The following ADGRB3 variants were observed in gnomAD, a reference collection of about 807,000 sequenced individuals.
The protein encoded by ADGRB3 is brain-specific angiogenesis inhibitor 3.
A neutral mutation model predicts 193.4 loss-of-function variants in ADGRB3; 37 were observed. That is an observed-to-expected ratio of 0.19 (90% CI 0.15 to 0.25). The LOEUF (loss-of-function observed/expected upper bound fraction) is 0.25. ADGRB3 is among the 10% of genes least tolerant of loss of function. The probability of loss-of-function intolerance (pLI) is 1.00; values close to 1 mark genes in which losing one functional copy is unlikely to be tolerated. For synonymous variants in ADGRB3, 690 were observed against 644.2 expected (o/e 1.07, Z -1.08); for missense variants, 1,637 against 1,852.9 (o/e 0.88, Z 2.14).
rs1198883329 is a variant in ADGRB3, at chr6:69,014,017, TTTATC to T, written c.1930-19_1930-15del. 3.4e-6 allele frequency: 5 copies of T among 1,458,562 alleles called. No homozygotes were observed. The highest frequency in any genetic ancestry group is 2.9e-5 in the African/African-American group (2 of 69,496). The allele number at this position is 1,458,562 out of a possible 1,614,324, so 90.4% of individuals were successfully genotyped here. ...AATTCTCTCATGTAATATTAAATCT[TTTATC>T]TAATTTAATTTACAGAACTTCTTTC... On this transcript the variant is annotated splice_polypyrimidine_tract_variant and intron_variant, in intron 11 of 31. Coordinates refer to ENST00000370598, the MANE Select transcript of ADGRB3 (RefSeq NM_001704.3).
At chr6:69,110,101 C>T (rs1284242927) in intron 17 of ADGRB3, among the ~76,000 whole-genome samples, 14 of 151,994 alleles carry the variant, frequency 9.2e-5, no homozygotes, top group African/African-American at 3.1e-4. Flanking sequence ...GCGCCTGCCA[C>T]CACGACTGGC....
At chr6:68,999,753 G>T (rs1401605710) in intron 11 of ADGRB3, among the ~76,000 whole-genome samples, 4 of 152,008 alleles carry the variant, frequency 2.6e-5, no homozygotes, top group Non-Finnish European at 5.9e-5. Flanking sequence ...AATTATTGTT[G>T]CTAGGTCTGC....
chr6:68,679,867 C>CA (rs749748153), intron 3 of ADGRB3, among the ~76,000 whole-genome samples: 2 of 151,960 alleles, frequency 1.3e-5, no homozygotes, highest in Non-Finnish European at 2.9e-5. Flanking sequence ...AGTCAAATAA[C>CA]AAAAAATGCT....
chr6:69,149,747 G>A (rs9342743), intron 17 of ADGRB3, among the ~76,000 whole-genome samples: 45,623 of 151,912 alleles, frequency 0.3, 9,222 homozygotes, highest in East Asian at 0.94. Context: ...CTGGGTCACT[G>A]CAGCCTTATC....
chr6:69,016,381 G>A (rs541171944), intron 12 of ADGRB3, among the ~76,000 whole-genome samples: 20 of 151,886 alleles, frequency 1.3e-4, no homozygotes, highest in South Asian at 8.3e-4. Context: ...AATCCACTGC[G>A]ATTACAAAGA....
chr6:69,279,452 C>CTGTG (rs56686568), intron 20 of ADGRB3, among the ~76,000 whole-genome samples: 2,247 of 148,014 alleles, frequency 0.015, 19 homozygotes, highest in Non-Finnish European at 0.019. Context: ...GTCAAGAATG[C>CTGTG]TGTGTGTGTG....
intron 30 of ADGRB3, among the ~76,000 whole-genome samples, chr6:69,376,180 T>G (rs1190052493): frequency 7.4e-6 from 1 of 136,026 alleles, no homozygotes; most frequent in African/African-American, 2.7e-5. Context: ...AACCTCTACC[T>G]CCTGGGTTCA....
chr6:69,232,572 A>G, intron 17 of ADGRB3: 2 of 1,535,686 alleles, frequency 1.3e-6, no homozygotes, highest in Non-Finnish European at 1.7e-6. Flanking sequence ...GAGGGAAAGA[A>G]ATGTCAAGGA....
chr6:68,990,840 A>C (rs1769218639), intron 10 of ADGRB3, among the ~76,000 whole-genome samples: 3 of 152,200 alleles, frequency 2.0e-5, no homozygotes, highest in South Asian at 2.1e-4. Flanking sequence ...CCATTGCTAC[A>C]TTCCATTCCT....
intron 20 of ADGRB3, among the ~76,000 whole-genome samples, chr6:69,239,639 G>A (rs1164250038): frequency 6.6e-6 from 1 of 151,968 alleles, no homozygotes; most frequent in African/African-American, 2.4e-5. Context: ...TTGCTTACAA[G>A]TGTAACATCT....
At chr6:68,945,253 A>G (rs1019330119) in intron 6 of ADGRB3, among the ~76,000 whole-genome samples, 6 of 152,140 alleles carry the variant, frequency 3.9e-5, no homozygotes, top group Non-Finnish European at 7.4e-5. Context: ...ACTGACTAAT[A>G]TAAATATTTC....
intron 3 of ADGRB3, among the ~76,000 whole-genome samples, chr6:68,848,025 A>G (rs1452024813): frequency 2.0e-5 from 3 of 152,176 alleles, no homozygotes; most frequent in East Asian, 3.8e-4. Context: ...ACATAAAATC[A>G]TTTCTACAAA....
chr6:69,104,378 A>G (rs1391881309), intron 17 of ADGRB3, among the ~76,000 whole-genome samples: 5 of 151,482 alleles, frequency 3.3e-5, no homozygotes, highest in African/African-American at 9.7e-5. Context: ...ATCGTTTTCT[A>G]TGGCTGCATA....
intron 3 of ADGRB3, among the ~76,000 whole-genome samples, chr6:68,659,463 T>A (rs1378959088): frequency 6.6e-6 from 1 of 150,924 alleles, no homozygotes; most frequent in Non-Finnish European, 1.5e-5. Flanking sequence ...CTTATTTATT[T>A]TGTTTTCTTG....
At chr6:68,952,203 A>G (rs1767946331) in intron 6 of ADGRB3, among the ~76,000 whole-genome samples, 1 of 152,110 alleles carries the variant, frequency 6.6e-6, no homozygotes. Context: ...TAGAAGTGTT[A>G]TGGGGCTGCG....
intron 17 of ADGRB3, among the ~76,000 whole-genome samples, chr6:69,208,709 AG>A (rs1765591209): frequency 6.6e-6 from 1 of 152,238 alleles, no homozygotes; most frequent in South Asian, 2.1e-4. Flanking sequence ...GAGAGAAGGC[AG>A]GGTGGCAGGA....
intron 3 of ADGRB3, among the ~76,000 whole-genome samples, chr6:68,795,056 C>T (rs1352609405): frequency 6.6e-5 from 10 of 151,948 alleles, no homozygotes; most frequent in Non-Finnish European, 1.2e-4. Flanking sequence ...GCCATATATA[C>T]ACAGGAGAGC....
At chr6:68,644,034 A>G (rs530569487) in intron 3 of ADGRB3, among the ~76,000 whole-genome samples, 25 of 152,082 alleles carry the variant, frequency 1.6e-4, no homozygotes, top group Admixed American at 9.2e-4. Flanking sequence ...AAAAACCCTG[A>G]GGCTTTCAAT....
chr6:69,370,987 A>G (rs542762888), intron 29 of ADGRB3, among the ~76,000 whole-genome samples: 82 of 152,170 alleles, frequency 5.4e-4, no homozygotes, highest in Admixed American at 3.5e-3. Flanking sequence ...GCTGGGCTCA[A>G]TGCCTGGATG....
Sources: gnomAD v4.1 joint callset for allele counts (sites outside exome capture counted in the v4.1 genomes callset) on GRCh38, gnomAD v4.1.1 for gene constraint, MANE v1.5 for transcripts, NCBI Gene and HGNC (gene_info 2026-07-23, HGNC 2026-07-21) for gene names.